MYO16: variants seen among roughly 807,000 people sequenced by gnomAD.
The protein encoded by MYO16 is myosin XVI.
In MYO16, 94 loss-of-function variants were observed where a neutral mutation model predicts 205.3. The observed-to-expected ratio is 0.46, with a 90% CI of 0.39 to 0.54. MYO16 has a LOEUF of 0.54. Ranked by LOEUF, MYO16 falls within the 20% of genes least tolerant of loss-of-function variation. The pLI is 0.00. For missense variants in MYO16, 2,315 were observed against 2,387.5 expected (o/e 0.97, Z 0.63); for synonymous variants, 988 against 954.0 (o/e 1.04, Z -0.66).
intron 20 of MYO16, among the ~76,000 whole-genome samples, chr13:108,977,035 A>G (rs755395150): frequency 2.7e-4 from 41 of 152,172 alleles, no homozygotes; most frequent in Non-Finnish European, 4.6e-4. Flanking sequence ...AATACATGTA[A>G]TCTTCCACAT....
At chr13:109,170,097 G>A (rs1287557190) in intron 33 of MYO16, among the ~76,000 whole-genome samples, 2 of 148,576 alleles carry the variant, frequency 1.3e-5, no homozygotes, top group Non-Finnish European at 3.0e-5. Flanking sequence ...GGCTTGTTAA[G>A]CAAGACACAA....
At chr13:108,829,725 T>C (rs1487694353) in intron 9 of MYO16, among the ~76,000 whole-genome samples, 1 of 152,122 alleles carries the variant, frequency 6.6e-6, no homozygotes, top group East Asian at 1.9e-4. Context: ...GCCAAGTGAC[T>C]CTTGGGGAGG....
intron 3 of MYO16, among the ~76,000 whole-genome samples, 159 bp from the exon 4 acceptor site, chr13:108,727,281 C>T (rs984286994): frequency 2.6e-5 from 4 of 151,846 alleles, no homozygotes; most frequent in Non-Finnish European, 1.5e-5. Flanking sequence ...TGTTCTTTTC[C>T]TTGTTGGTTA....
chr13:109,099,968 G>A (rs1483307458), intron 27 of MYO16, among the ~76,000 whole-genome samples: 3 of 152,184 alleles, frequency 2.0e-5, no homozygotes, highest in Non-Finnish European at 4.4e-5. Context: ...GTTTCCTTCG[G>A]CTTGCGGAAC....
intron 10 of MYO16, 141 bp downstream of exon 10, chr13:108,844,634 G>GT: frequency 2.4e-6 from 2 of 848,144 alleles, no homozygotes; most frequent in Non-Finnish European, 3.3e-6. Context: ...TTTGCTTGCA[G>GT]TTTTCATAAA....
chr13:108,661,045 T>C (rs1202197501), intron 1 of MYO16, among the ~76,000 whole-genome samples: 1 of 152,176 alleles, frequency 6.6e-6, no homozygotes, highest in East Asian at 1.9e-4. Flanking sequence ...TGTATGATGC[T>C]TGGTTTCTCT....
chr13:108,669,549 T>C (rs1881892084), intron 2 of MYO16, among the ~76,000 whole-genome samples: 1 of 152,120 alleles, frequency 6.6e-6, no homozygotes, highest in Non-Finnish European at 1.5e-5. Context: ...TAAAAATAAT[T>C]CATTTGCATT....
intron 2 of MYO16, among the ~76,000 whole-genome samples, chr13:108,708,127 T>G (rs1032156362): frequency 6.6e-6 from 1 of 152,238 alleles, no homozygotes; most frequent in African/African-American, 2.4e-5. Flanking sequence ...AATAAAATCC[T>G]CAAGTTATTC....
chr13:108,715,588 T>G (rs888464220), intron 3 of MYO16, among the ~76,000 whole-genome samples: 2 of 152,214 alleles, frequency 1.3e-5, no homozygotes, highest in African/African-American at 4.8e-5. Flanking sequence ...GCTAATTAAT[T>G]AATGTTACTA....
chr13:108,936,694 C>T (rs1882506270), intron 16 of MYO16, among the ~76,000 whole-genome samples: 1 of 152,086 alleles, frequency 6.6e-6, no homozygotes, highest in African/African-American at 2.4e-5. Context: ...CTTTCTCCCA[C>T]CCTTTACTTT....
At chr13:109,131,939 T>A (rs1876561217) in intron 31 of MYO16, among the ~76,000 whole-genome samples, 1 of 152,156 alleles carries the variant, frequency 6.6e-6, no homozygotes, top group Non-Finnish European at 1.5e-5. Context: ...CCCATGTATG[T>A]CAAGTAGCAG....
chr13:108,753,013 G>C (rs180995691), intron 4 of MYO16, among the ~76,000 whole-genome samples: 71 of 151,894 alleles, frequency 4.7e-4, no homozygotes, highest in Admixed American at 4.6e-3. Flanking sequence ...TGATGTAAGA[G>C]ATAGGATAGA....
intron 20 of MYO16, among the ~76,000 whole-genome samples, chr13:108,984,598 C>T (rs572253667): frequency 6.6e-6 from 1 of 152,260 alleles, no homozygotes; most frequent in South Asian, 2.1e-4. Flanking sequence ...GCTGGGGTCC[C>T]AACTTTGTCT....
At chr13:108,778,424 G>T (rs1015110875) in intron 4 of MYO16, among the ~76,000 whole-genome samples, 2 of 151,886 alleles carry the variant, frequency 1.3e-5, no homozygotes, top group Non-Finnish European at 2.9e-5. Flanking sequence ...TTCAAGACCA[G>T]CCTGGCCAAC....
At chr13:108,821,510 T>C (rs1875968667) in intron 8 of MYO16, among the ~76,000 whole-genome samples, 1 of 152,134 alleles carries the variant, frequency 6.6e-6, no homozygotes, top group Non-Finnish European at 1.5e-5. Context: ...AGATATTTTC[T>C]TTTTAAAAAC....
intron 22 of MYO16, among the ~76,000 whole-genome samples, chr13:109,011,498 C>CTTTTTTTTTTTTTTTTTTTT (rs34575828): frequency 1.2e-3 from 152 of 129,850 alleles, no homozygotes; most frequent in Non-Finnish European, 1.7e-3. Context: ...TTCTTCCTTT[C>CTTTTTTTTTTTTTTTTTTTT]TTTTTTTTTT....
chr13:108,576,565 TTAAC>T, the MYO16 span, among the ~76,000 whole-genome samples: 5 of 152,352 alleles, frequency 3.3e-5, no homozygotes, highest in East Asian at 5.8e-4. Context: ...AATAACATCT[TTAAC>T]TAATTCTTTT....
chr13:108,789,111 C>T (rs570575558), intron 5 of MYO16, among the ~76,000 whole-genome samples: 43 of 152,262 alleles, frequency 2.8e-4, no homozygotes, highest in African/African-American at 7.5e-4. Flanking sequence ...TTAAGTATCT[C>T]GACTTGAGTG....
intron 21 of MYO16, among the ~76,000 whole-genome samples, chr13:109,000,020 G>T (rs1885161300): frequency 6.6e-6 from 1 of 152,108 alleles, no homozygotes; most frequent in Non-Finnish European, 1.5e-5. Flanking sequence ...CATAATGGAG[G>T]TGTATCTTTT....
Sources: allele counts gnomAD v4.1 joint callset (sites outside exome capture counted in the v4.1 genomes callset), GRCh38; gene constraint gnomAD v4.1.1; transcripts MANE v1.5; gene names NCBI Gene and HGNC (gene_info 2026-07-23, HGNC 2026-07-21).